Variants in SPINK8 observed in about 807,000 individuals in gnomAD.
The protein encoded by SPINK8 is serine protease inhibitor Kazal-type 8.
SPINK8 carries 12 observed loss-of-function variants against 14.4 expected under a neutral mutation model. The observed-to-expected ratio is 0.83, with a 90% CI of 0.53 to 1.35. The LOEUF (loss-of-function observed/expected upper bound fraction) is 1.35. Ranked by LOEUF, SPINK8 falls within the 40% of genes most tolerant of loss-of-function variation. SPINK8 has a pLI of 0.00. For synonymous variants in SPINK8, 32 were observed against 37.6 expected (o/e 0.85, Z 0.55); for missense variants, 103 against 117.0 (o/e 0.88, Z 0.55).
intron 6 of SPINK8, among the ~76,000 whole-genome samples, chr3:48,312,809 C>T (rs1327705470): frequency 6.6e-6 from 1 of 151,968 alleles, no homozygotes; most frequent in Non-Finnish European, 1.5e-5. Flanking sequence ...CCAGCCTGGC[C>T]AGCATGGTGA....
At chr3:48,311,174 ATAT>A (rs777045580) in intron 6 of SPINK8, among the ~76,000 whole-genome samples, 3 of 152,232 alleles carry the variant, frequency 2.0e-5, no homozygotes, top group Non-Finnish European at 2.9e-5. Context: ...TACACACATA[ATAT>A]TCAACAAAAT....
chr3:48,333,245 G>A (rs1440638036), intron 1 of SPINK8, among the ~76,000 whole-genome samples: 1 of 152,204 alleles, frequency 6.6e-6, no homozygotes, highest in South Asian at 2.1e-4. Context: ...TGGAGGGCAT[G>A]TTTCTCCCTC....
intron 6 of SPINK8, among the ~76,000 whole-genome samples, chr3:48,313,086 G>GT (rs998136722): frequency 4.0e-5 from 6 of 151,896 alleles, no homozygotes; most frequent in African/African-American, 1.2e-4. Flanking sequence ...TTTTACAGTG[G>GT]TTTTTTGGGT....
intron 5 of SPINK8, 67 bp downstream of exon 5, chr3:48,320,957 CT>C (rs2036065215): frequency 6.7e-7 from 1 of 1,498,258 alleles, no homozygotes; most frequent in Non-Finnish European, 9.1e-7. Flanking sequence ...GAAGAAAGAG[CT>C]GGGGCTTTTG....
rs534310526 is a variant in SPINK8, at chr3:48,319,400, A to T, written c.239+97T>A. On this transcript the variant is annotated intron_variant, in intron 6 of 7. Transcript: ENST00000434006. ...GAGGAATGTCTGGAGAGAAGGTCTC[A>T]TTGGATGATGTAGGAAGTGGGCTGA... is the stretch of plus-strand genomic sequence containing the variant. The T allele has an allele frequency of 5.5e-5, 77 of 1,406,548 alleles. No homozygotes were observed. In the African/African-American group the frequency reaches 9.5e-4, roughly 17 times the overall value. 87.1% of individuals were successfully genotyped at this position (1,406,548 alleles called of 1,614,324 possible). A position where few individuals can be genotyped will look rare whatever the true frequency, so the allele number is the denominator to read the frequency against.
At chr3:48,324,555 C>G (rs949252655) in intron 4 of SPINK8, among the ~76,000 whole-genome samples, 6 of 152,120 alleles carry the variant, frequency 3.9e-5, no homozygotes, top group African/African-American at 1.4e-4. Context: ...CCACTCACCC[C>G]CTTTGTGCTA....
intron 4 of SPINK8, among the ~76,000 whole-genome samples, chr3:48,323,442 T>C (rs1433218233): frequency 6.6e-6 from 1 of 152,220 alleles, no homozygotes. Flanking sequence ...CAAAAGTTTT[T>C]AAAAGTCCAA....
At chr3:48,313,151 A>G (rs1412152504) in intron 6 of SPINK8, among the ~76,000 whole-genome samples, 2 of 152,226 alleles carry the variant, frequency 1.3e-5, no homozygotes, top group Non-Finnish European at 2.9e-5. Context: ...GATGTCATCA[A>G]AATTAAAAAC....
At chr3:48,328,204 C>T in intron 4 of SPINK8, 71 bp downstream of exon 4, 2 of 1,266,804 alleles carry the variant, frequency 1.6e-6, no homozygotes, top group South Asian at 2.7e-5. Context: ...ACTTCCACTT[C>T]CATCTCTAAT....
chr3:48,319,737 G>C, intron 5 of SPINK8, 119 bp from the exon 6 acceptor site: 1 of 1,389,080 alleles, frequency 7.2e-7, no homozygotes, highest in Non-Finnish European at 9.7e-7. Flanking sequence ...TCAGAGAAAA[G>C]GATTCAGAAG....
At chr3:48,320,979 C>T (rs1401775596) in intron 5 of SPINK8, 46 bp downstream of exon 5, 1 of 1,561,178 alleles carries the variant, frequency 6.4e-7, no homozygotes, top group Admixed American at 1.9e-5. Context: ...GGCAAACTGG[C>T]TCTCTCCCCA....
chr3:48,331,340 G>A (rs780503737), intron 2 of SPINK8, among the ~76,000 whole-genome samples: 4 of 152,176 alleles, frequency 2.6e-5, no homozygotes, highest in African/African-American at 7.2e-5. Context: ...CCTTCTATAA[G>A]CCTTTCTAAT....
chr3:48,330,987 A>T (rs930713959), intron 2 of SPINK8, among the ~76,000 whole-genome samples: 2 of 151,886 alleles, frequency 1.3e-5, no homozygotes, highest in Admixed American at 6.6e-5. Flanking sequence ...CTTTGATGTC[A>T]TCAATATCAC....
At chr3:48,328,160 C>T in intron 4 of SPINK8, 115 bp downstream of exon 4, 1 of 756,076 alleles carries the variant, frequency 1.3e-6, no homozygotes, top group South Asian at 2.6e-5. Flanking sequence ...ACATTTGTAA[C>T]ATGAGAAATT....
At chr3:48,323,458 C>A (rs2036101771) in intron 4 of SPINK8, among the ~76,000 whole-genome samples, 1 of 152,178 alleles carries the variant, frequency 6.6e-6, no homozygotes, top group Non-Finnish European at 1.5e-5. Context: ...TCCAATTGAT[C>A]TTTTTGTTTT....
intron 6 of SPINK8, among the ~76,000 whole-genome samples, chr3:48,312,996 C>CAAAAAAAAAAAAAAAAAAA (rs57016387): frequency 1.6e-5 from 2 of 122,016 alleles, no homozygotes; most frequent in African/African-American, 3.1e-5. Context: ...GACTCTGTCT[C>CAAAAAAAAAAAAAAAAAAA]AAAAAAAAAA....
At chr3:48,316,925 A>G (rs2036001396) in intron 6 of SPINK8, among the ~76,000 whole-genome samples, 1 of 152,266 alleles carries the variant, frequency 6.6e-6, no homozygotes, top group Non-Finnish European at 1.5e-5. Context: ...TAGCAGACCT[A>G]CAAAATACTA....
At chr3:48,309,783 C>A in intron 7 of SPINK8, 121 bp downstream of exon 7, 1 of 1,296,224 alleles carries the variant, frequency 7.7e-7, no homozygotes. Context: ...CTATTATTGG[C>A]TCTACTTTTA....
intron 5 of SPINK8, among the ~76,000 whole-genome samples, chr3:48,320,403 C>T (rs2036056239): frequency 6.6e-6 from 1 of 152,076 alleles, no homozygotes; most frequent in African/African-American, 2.4e-5. Flanking sequence ...CAAAAATTAG[C>T]TGGGTGTGGT....
Sources: gnomAD v4.1 joint callset for allele counts (sites outside exome capture counted in the v4.1 genomes callset) on GRCh38, gnomAD v4.1.1 for gene constraint, MANE v1.5 for transcripts, NCBI Gene and HGNC (gene_info 2026-07-23, HGNC 2026-07-21) for gene names.